PPARA: variants seen among roughly 807,000 people sequenced by gnomAD.
PPARA encodes peroxisome proliferator activated receptor alpha.
PPARA carries 22 observed loss-of-function variants against 42.2 expected under a neutral mutation model. The observed-to-expected ratio is 0.52, with a 90% CI of 0.37 to 0.74. The LOEUF (loss-of-function observed/expected upper bound fraction) is 0.74. PPARA is among the 30% of genes least tolerant of loss of function. The pLI, the probability that PPARA is intolerant of heterozygous loss-of-function variation, is 0.00. For missense variants in PPARA, 465 were observed against 608.2 expected (o/e 0.76, Z 2.48); for synonymous variants, 242 against 239.3 (o/e 1.01, Z -0.10).
At position 46,214,501 on chromosome 22, in the gene PPARA, C is replaced by T. The variant is rs141637714; in HGVS notation, c.209-672C>T. On this transcript the variant is annotated intron_variant, in intron 4 of 8. Transcript: ENST00000407236. ...TGGGCGAATCGGAGATGCGCGGGTC[C>T]GGAAATGTGCAGAGCGGAGATGTGT... is the stretch of plus-strand genomic sequence containing the variant. 2.7e-3 allele frequency among the ~76,000 whole-genome samples: 348 copies of T among 127,058 alleles called. 1 individual carries two copies. The highest frequency in any genetic ancestry group is 9.9e-3 in the African/African-American group (322 of 32,634). The allele number at this position is 127,058 out of a possible 152,430, so 83.4% of individuals were successfully genotyped here.
At chr22:46,217,699 G>A (rs565680315) in intron 5 of PPARA, among the ~76,000 whole-genome samples, 25 of 151,950 alleles carry the variant, frequency 1.6e-4, no homozygotes, top group Non-Finnish European at 3.4e-4. Context: ...TCAGATGAGG[G>A]CATTTTGAAA....
rs1935587039 is a variant in PPARA, at chr22:46,227,932, C to T, written c.712-3860C>T. On this transcript the variant is annotated intron_variant, in intron 7 of 8. Coordinates refer to ENST00000407236, the MANE Select transcript of PPARA (RefSeq NM_005036.6). This position sits in a 1 kb window ranked among gnomAD's most constrained non-coding sequence, Gnocchi z 4.3. ...GCGAATTTGCAAGTGTGTTTTTCAACAGCATTTCTCTTTAGCTTTAATAAA... is the reference window on the plus strand; with the variant it reads ...GCGAATTTGCAAGTGTGTTTTTCAATAGCATTTCTCTTTAGCTTTAATAAA... Among the ~76,000 whole-genome samples, 1 of 152,176 alleles carries T rather than the reference C, an allele frequency of 6.6e-6. No individual in the cohort carries two copies. Among genetic ancestry groups the T allele is most frequent in the Admixed American group, 6.5e-5 (1 of 15,272 alleles).
intron 1 of PPARA, among the ~76,000 whole-genome samples, chr22:46,151,451 T>C (rs554307405): frequency 1.5e-4 from 23 of 152,320 alleles, no homozygotes; most frequent in African/African-American, 5.1e-4. Context: ...GTGGTGCCAG[T>C]GGAAGTCAGG....
Position 46,198,578 on chromosome 22 carries a change from C to CTCGGTCA in PPARA, c.198_204dup (p.Thr69GlyfsTer37). 6.2e-7 allele frequency: 1 copy of CTCGGTCA among 1,613,532 alleles called. No individual in the cohort carries two copies. Among genetic ancestry groups the CTCGGTCA allele is most frequent in the Admixed American group, 1.7e-5 (1 of 59,986 alleles). On this transcript the variant is annotated frameshift_variant, in exon 4 of 9. Coordinates refer to ENST00000407236, the MANE Select transcript of PPARA (RefSeq NM_005036.6). LOFTEE classifies it high-confidence loss of function. ...TAGGAAGCTGTCCTGGCTCAGATGG[C>CTCGGTCA]TCGGTCATCACGGGTAAGTGTGCCG...
At chr22:46,202,141 C>G (rs1932868244) in intron 4 of PPARA, among the ~76,000 whole-genome samples, 1 of 152,110 alleles carries the variant, frequency 6.6e-6, no homozygotes, top group South Asian at 2.1e-4. Flanking sequence ...GCCAGGAGGG[C>G]TGCCCAGCCC....
In PPARA at chr22:46,204,917, G is replaced by C. The variant is rs532539808; in HGVS notation, c.208+6326G>C. ...GGGTCTCAATCTATTGCCCAGGCTA[G>C]AGTGCAGTGGTGCGATCATGGCTTA... On this transcript the variant is annotated intron_variant, in intron 4 of 8. Coordinates refer to ENST00000407236, the MANE Select transcript of PPARA (RefSeq NM_005036.6). The surrounding 1 kb of genome is among the most constrained non-coding windows in gnomAD (Gnocchi z 5.2). Among the ~76,000 whole-genome samples the C allele has an allele frequency of 3.3e-5, 5 of 152,094 alleles. No individual in the cohort carries two copies. Among genetic ancestry groups the C allele is most frequent in the Admixed American group, 2.0e-4 (3 of 15,276 alleles).
rs1193910094 is a variant in PPARA, at chr22:46,212,699, G to A, written c.209-2474G>A. On this transcript the variant is annotated intron_variant, in intron 4 of 8. Coordinates refer to ENST00000407236, the MANE Select transcript of PPARA (RefSeq NM_005036.6). The surrounding 1 kb of genome is among the most constrained non-coding windows in gnomAD (Gnocchi z 4.2). ...GCATCTTGGTTGCTTCCAATTTTTG[G>A]CAATTAATAAAGCTGGCCATGCACA... Among the ~76,000 whole-genome samples the A allele has an allele frequency of 1.3e-5, 2 of 151,956 alleles. No individual in the cohort carries two copies. The highest frequency in any genetic ancestry group is 1.3e-4 in the Admixed American group (2 of 15,226).
intron 4 of PPARA, among the ~76,000 whole-genome samples, chr22:46,206,163 G>A (rs973238631): frequency 3.9e-5 from 6 of 152,028 alleles, no homozygotes; most frequent in African/African-American, 1.2e-4. Flanking sequence ...GTGCAATGGC[G>A]CTATCTCGGC....
In PPARA at chr22:46,238,956, T is replaced by C. The variant is rs1039234333; in HGVS notation, c.*3576T>C. ...CTTTCTTCCCACCTCGCTTGCCTGTTTCCGCTTGACCCTTCCTCCAGCTCC... is the reference window on the plus strand; with the variant it reads ...CTTTCTTCCCACCTCGCTTGCCTGTCTCCGCTTGACCCTTCCTCCAGCTCC... On this transcript the variant is annotated 3_prime_UTR_variant, in exon 9 of 9. Coordinates refer to ENST00000407236, the MANE Select transcript of PPARA (RefSeq NM_005036.6). This position sits in a 1 kb window ranked among gnomAD's most constrained non-coding sequence, Gnocchi z 8.3. The C allele has an allele frequency of 3.9e-5, 6 of 152,276 alleles. No homozygotes were observed. Among genetic ancestry groups the C allele is most frequent in the Non-Finnish European group, 8.8e-5 (6 of 68,098 alleles). The allele number at this position is 152,276 out of a possible 1,614,324, so 9.4% of individuals were successfully genotyped here.
At chr22:46,177,148 T>C (rs1019563080) in intron 3 of PPARA, among the ~76,000 whole-genome samples, 6 of 152,002 alleles carry the variant, frequency 3.9e-5, no homozygotes, top group Non-Finnish European at 8.8e-5. Context: ...GAGGCAGAGC[T>C]TGCAGTGAGC....
rs1467741143 is a variant in PPARA at position 46,232,736 on chromosome 22, G to C, written c.1159+497G>C. On this transcript the variant is annotated intron_variant, in intron 8 of 8. Transcript: ENST00000407236. The surrounding 1 kb of genome is among the most constrained non-coding windows in gnomAD (Gnocchi z 5.3). ...TGGGCCTGTAATCCCAGCCCTTTGG[G>C]AGGCTGAGGTGGGTGGATCACTTGA... 2.0e-5 allele frequency among the ~76,000 whole-genome samples: 3 copies of C among 151,354 alleles called. No homozygotes were observed. The highest frequency in any genetic ancestry group is 7.3e-5 in the African/African-American group (3 of 41,186).
At chr22:46,208,781 G>C (rs1390535548) in intron 4 of PPARA, among the ~76,000 whole-genome samples, 2 of 152,036 alleles carry the variant, frequency 1.3e-5, no homozygotes, top group Non-Finnish European at 2.9e-5. Context: ...TTTCACATAT[G>C]AGATCACATG....
chr22:46,236,882 A>C lies in PPARA; in HGVS notation c.*1502A>C, dbSNP rs1936230751. 4 of 152,156 alleles carry C rather than the reference A, an allele frequency of 2.6e-5. No homozygotes were observed. The South Asian group carries it at 8.3e-4, about 32-fold the overall frequency. The allele number at this position is 152,156 out of a possible 1,614,324, so 9.4% of individuals were successfully genotyped here. On this transcript the variant is annotated 3_prime_UTR_variant, in exon 9 of 9. Transcript: ENST00000407236. This position sits in a 1 kb window ranked among gnomAD's most constrained non-coding sequence, Gnocchi z 5.2. Reference sequence around the variant, plus strand: ...GTAAGGTAGTTTTTTCAACATCTAAAATTTTTGTTTTAGCCTTCAAAACCA... The same window carrying C: ...GTAAGGTAGTTTTTTCAACATCTAACATTTTTGTTTTAGCCTTCAAAACCA...
chr22:46,201,201 C>T (rs559789760), intron 4 of PPARA, among the ~76,000 whole-genome samples: 3 of 152,162 alleles, frequency 2.0e-5, no homozygotes, highest in African/African-American at 4.8e-5. Context: ...GCCTGGACCC[C>T]GCCTCTCAGC....
intron 7 of PPARA, chr22:46,220,499 T>C (rs1245747064): frequency 5.0e-6 from 1 of 198,670 alleles, no homozygotes; most frequent in Non-Finnish European, 1.0e-5. Flanking sequence ...GTTGTTGTTG[T>C]TTTGTTTTGT....
At position 46,188,618 on chromosome 22, in the gene PPARA, C is replaced by T. The variant is rs921441000; in HGVS notation, c.-42-9724C>T. The T allele has an allele frequency of 6.6e-6, 1 of 152,064 alleles. No individual in the cohort carries two copies. Among genetic ancestry groups the T allele is most frequent in the East Asian group, 1.9e-4 (1 of 5,190 alleles). The allele number at this position is 152,064 out of a possible 1,614,324, so 9.4% of individuals were successfully genotyped here. A position where few individuals can be genotyped will look rare whatever the true frequency, so the allele number is the denominator to read the frequency against. The stretch of plus-strand genomic sequence containing the variant: ...ACCAATAATACCTACCCTGCCCTGG[C>T]GTGGATAGATTAAAGAAAAAAAATA... On this transcript the variant is annotated intron_variant, in intron 3 of 8. Coordinates refer to ENST00000407236, the MANE Select transcript of PPARA (RefSeq NM_005036.6). This position sits in a 1 kb window ranked among gnomAD's most constrained non-coding sequence, Gnocchi z 5.0.
At position 46,241,030 on chromosome 22, in the gene PPARA, C is replaced by T. The variant is rs1569261908; in HGVS notation, c.*5650C>T. ...TTGTGGCAAATAAATGATTAACCTG[C>T]CTCGACTGTGCTGAGGGCAACAAAG... On this transcript the variant is annotated 3_prime_UTR_variant, in exon 9 of 9. Transcript: ENST00000407236. The surrounding 1 kb of genome is among the most constrained non-coding windows in gnomAD (Gnocchi z 5.7). 6.6e-6 allele frequency: 1 copy of T among 152,260 alleles called. No individual in the cohort carries two copies. The highest frequency in any genetic ancestry group is 2.4e-5 in the African/African-American group (1 of 41,450). The allele number at this position is 152,260 out of a possible 1,614,324, so 9.4% of individuals were successfully genotyped here.
At position 46,221,722 on chromosome 22, in the gene PPARA, C is replaced by A. The variant is rs764151502; in HGVS notation, c.711+1708C>A. Among the ~76,000 whole-genome samples the A allele has an allele frequency of 1.6e-4, 25 of 151,982 alleles. No homozygotes were observed. The highest frequency in any genetic ancestry group is 2.2e-4 in the Non-Finnish European group (15 of 67,990). ...GCTGAGGCAGGAGAATGGCGTGAAC[C>A]CAGGAGGCAGAGCTTGCAGTGAGCC... On this transcript the variant is annotated intron_variant, in intron 7 of 8. Transcript: ENST00000407236. This position sits in a 1 kb window ranked among gnomAD's most constrained non-coding sequence, Gnocchi z 5.9.
At position 46,215,257 on chromosome 22, in the gene PPARA, T is replaced by C; in HGVS notation, c.293T>C (p.Leu98Ser). Residue 98 changes from leucine to serine, a missense_variant, in exon 5 of 9, where the codon TTG becomes TCG. By Grantham distance (145) the Leu-to-Ser change is moderately radical. Transcript: ENST00000407236. ...GSVDESPSGA[L>S]NIECRICGDK... ...GTGGACGAGTCTCCCAGTGGAGCAT[T>C]GAACATCGAATGTAGAATCTGCGGG... The C allele has an allele frequency of 6.2e-7, 1 of 1,614,114 alleles. No homozygotes were observed. The highest frequency in any genetic ancestry group is 8.5e-7 in the Non-Finnish European group (1 of 1,180,028).
Sources: gnomAD v4.1 joint callset for allele counts (sites outside exome capture counted in the v4.1 genomes callset) on GRCh38, gnomAD v4.1.1 for gene constraint, Gnocchi (gnomAD v3.1) non-coding constraint, MANE v1.5 for transcripts, NCBI Gene and HGNC (gene_info 2026-07-23, HGNC 2026-07-21) for gene names.